The following ADAM17 variants were observed in gnomAD, a reference collection of about 807,000 sequenced individuals.
ADAM17 encodes disintegrin and metalloproteinase domain-containing protein 17.
ADAM17 carries 39 observed loss-of-function variants against 96.7 expected under a neutral mutation model. The observed-to-expected ratio is 0.40, with a 90% CI of 0.31 to 0.53. The LOEUF is 0.53. Ranked by LOEUF, ADAM17 falls within the 20% of genes least tolerant of loss-of-function variation. The probability of loss-of-function intolerance (pLI) is 0.44; values close to 1 mark genes in which losing one functional copy is unlikely to be tolerated. For synonymous variants in ADAM17, 344 were observed against 359.2 expected (o/e 0.96, Z 0.48); for missense variants, 777 against 1,013.2 (o/e 0.77, Z 3.17).
At chr2:9,532,131 G>A (rs1046027032) in intron 4 of ADAM17, among the ~76,000 whole-genome samples, 6 of 152,138 alleles carry the variant, frequency 3.9e-5, no homozygotes, top group African/African-American at 1.4e-4. Context: ...TAATGATGAT[G>A]TGTTAAAAAT....
At chr2:9,502,376 G>A (rs1663056740) in intron 12 of ADAM17, 100 bp from the exon 13 acceptor site, 2 of 1,029,816 alleles carry the variant, frequency 1.9e-6, no homozygotes, top group South Asian at 1.4e-5. Flanking sequence ...GATCACCGGG[G>A]AAGACCTCCT....
At chr2:9,548,874 C>T (rs1665496406) in intron 1 of ADAM17, among the ~76,000 whole-genome samples, 1 of 152,128 alleles carries the variant, frequency 6.6e-6, no homozygotes, top group Non-Finnish European at 1.5e-5. Context: ...ACAAAATGGC[C>T]TTCTGGTTGT....
Position 9,489,259 on chromosome 2 carries a change from A to ATTTTTTTTTTTTTTT in ADAM17, c.*903_*917dup, listed in dbSNP as rs34525911. 3.7e-3 allele frequency: 321 copies of ATTTTTTTTTTTTTTT among 87,386 alleles called. 40 individuals carry two copies. Among genetic ancestry groups the ATTTTTTTTTTTTTTT allele is most frequent in the African/African-American group, 0.019 (297 of 15,522 alleles). 5.4% of individuals were successfully genotyped at this position (87,386 alleles called of 1,614,324 possible). On this transcript the variant is annotated 3_prime_UTR_variant, in exon 19 of 19. Transcript: ENST00000310823. Reference sequence around the variant, plus strand: ...AATATTCTAGGTTTGTAGATAGTGAATTTTTTTTTTTTTTTTTTTTTTTTG... The same window carrying ATTTTTTTTTTTTTTT: ...AATATTCTAGGTTTGTAGATAGTGAATTTTTTTTTTTTTTTTTTTTTTTTTTTTTTTTTTTTTTTG...
At chr2:9,518,906 G>T (rs1664190998) in intron 8 of ADAM17, among the ~76,000 whole-genome samples, 1 of 142,764 alleles carries the variant, frequency 7.0e-6, no homozygotes, top group South Asian at 2.2e-4. Context: ...TGGGGGGGGG[G>T]TTTGATTTAT....
intron 2 of ADAM17, among the ~76,000 whole-genome samples, chr2:9,541,059 G>C (rs1268901733): frequency 6.6e-6 from 1 of 151,880 alleles, no homozygotes; most frequent in Non-Finnish European, 1.5e-5. Flanking sequence ...ACCTCATCAA[G>C]GTACACATTT....
rs1664590884 is a variant in ADAM17, at chr2:9,527,891, T to C, written c.514A>G (p.Ile172Val). 2 of 1,596,698 alleles carry C rather than the reference T, an allele frequency of 1.3e-6. No individual in the cohort carries two copies. Among genetic ancestry groups the C allele is most frequent in the South Asian group, 1.1e-5 (1 of 88,166 alleles). Reference protein sequence around the residue: ...KRMLVYKSEDIKNVSRLQSPK... With the variant: ...KRMLVYKSEDVKNVSRLQSPK... The stretch of plus-strand genomic sequence containing the variant: ...GACTGCAAACGTGAAACATTCTTGA[T>C]ATCTTCAGATTTATAAACTAACATT... The change falls in exon 5 of 19, where the codon ATC becomes GTC. Residue 172 changes from isoleucine (I) to valine (V), a missense_variant. Ile to Val is a conservative substitution (Grantham distance 29). Around this residue, in one of 3 missense-constraint regions of ADAM17, gnomAD observed 446 missense variants for 664.7 expected, o/e 0.67. Coordinates refer to ENST00000310823, the MANE Select transcript of ADAM17 (RefSeq NM_003183.6).
intron 1 of ADAM17, 95 bp downstream of exon 1, chr2:9,555,414 C>T (rs1225144930): frequency 9.1e-7 from 1 of 1,096,304 alleles, no homozygotes; most frequent in African/African-American, 1.6e-5. Flanking sequence ...TCGCCAATAC[C>T]CCGCCCCCAA....
In ADAM17 at chr2:9,488,541, A is replaced by C; in HGVS notation, c.*1636T>G. The C allele has an allele frequency of 2.6e-6, 1 of 387,272 alleles. No individual in the cohort carries two copies. Among genetic ancestry groups the C allele is most frequent in the Non-Finnish European group, 4.6e-6 (1 of 219,636 alleles). 24.0% of individuals were successfully genotyped at this position (387,272 alleles called of 1,614,324 possible). On this transcript the variant is annotated 3_prime_UTR_variant, in exon 19 of 19. Coordinates refer to ENST00000310823, the MANE Select transcript of ADAM17 (RefSeq NM_003183.6). The stretch of plus-strand genomic sequence containing the variant: ...TATCAGTGCTACAGCTATAAAATAT[A>C]CCCTGAGCAGCTTGTTAATTCTATA...
At chr2:9,499,110 CTTCTTTTTT>C (rs1558498418) in intron 13 of ADAM17, among the ~76,000 whole-genome samples, 4 of 138,662 alleles carry the variant, frequency 2.9e-5, no homozygotes, top group Non-Finnish European at 4.5e-5. Context: ...TTTCTTTCTT[CTTCTTTTTT>C]TTTTTTTTTT....
intron 13 of ADAM17, among the ~76,000 whole-genome samples, chr2:9,498,469 T>G (rs1195599776): frequency 6.6e-6 from 1 of 152,220 alleles, no homozygotes; most frequent in Non-Finnish European, 1.5e-5. Flanking sequence ...AAACACTTTA[T>G]GAAAGCAATG....
intron 1 of ADAM17, among the ~76,000 whole-genome samples, chr2:9,553,482 T>C (rs1488997394): frequency 6.6e-6 from 1 of 151,512 alleles, no homozygotes; most frequent in Non-Finnish European, 1.5e-5. Context: ...GAGACCAGCC[T>C]GAATAACATG....
chr2:9,532,988 A>T (rs1664810369), intron 4 of ADAM17, among the ~76,000 whole-genome samples: 1 of 152,054 alleles, frequency 6.6e-6, no homozygotes, highest in African/African-American at 2.4e-5. Context: ...CAGGAGTTCA[A>T]GACCAGCCTG....
intron 2 of ADAM17, among the ~76,000 whole-genome samples, chr2:9,537,899 G>GGGGAA (rs1461179044): frequency 1.6e-5 from 1 of 62,688 alleles, no homozygotes; most frequent in Non-Finnish European, 3.5e-5. Flanking sequence ...GGGGAGGGGA[G>GGGGAA]GGGAGGAGAG....
chr2:9,505,887 G>A (rs1334039516), intron 11 of ADAM17, among the ~76,000 whole-genome samples: 1 of 152,198 alleles, frequency 6.6e-6, no homozygotes, highest in Non-Finnish European at 1.5e-5. Flanking sequence ...TTTGAGCTTA[G>A]TAATAGGCAT....
In ADAM17 at chr2:9,518,007, C is replaced by CA. The variant is rs1298688011; in HGVS notation, c.1103-19dup. The CA allele has an allele frequency of 1.3e-6, 2 of 1,584,596 alleles. No homozygotes were observed. Among genetic ancestry groups the CA allele is most frequent in the African/African-American group, 1.4e-5 (1 of 73,280 alleles). ...ATAATAAGCTAAAGTCAAAAGGAAA[C>CA]AGAGATAAATTGCTTATTAAATACA... On this transcript the variant is annotated intron_variant, in intron 9 of 18. Transcript: ENST00000310823.
chr2:9,514,988 G>A (rs191796464), intron 10 of ADAM17, among the ~76,000 whole-genome samples: 45 of 152,296 alleles, frequency 3.0e-4, no homozygotes, highest in African/African-American at 9.1e-4. Context: ...ATCCTCCCGC[G>A]TAGCTGGGAC....
intron 4 of ADAM17, among the ~76,000 whole-genome samples, chr2:9,535,286 GGA>G (rs1664912926): frequency 6.6e-6 from 1 of 152,084 alleles, no homozygotes; most frequent in South Asian, 2.1e-4. Flanking sequence ...ACAATTATGA[GGA>G]AACGTTTTGT....
chr2:9,497,351 G>A (rs1662692980), intron 13 of ADAM17, 103 bp from the exon 14 acceptor site: 2 of 1,466,592 alleles, frequency 1.4e-6, no homozygotes, highest in South Asian at 1.3e-5. Context: ...ATCTTACCTT[G>A]CAAAAGCAAA....
intron 4 of ADAM17, 146 bp from the exon 5 acceptor site, chr2:9,528,100 C>T (rs1664598723): frequency 3.9e-6 from 2 of 515,118 alleles, no homozygotes; most frequent in Non-Finnish European, 6.2e-6. Flanking sequence ...AATAAATAAT[C>T]TCAATTTTTA....
Sources: allele counts gnomAD v4.1 joint callset (sites outside exome capture counted in the v4.1 genomes callset), GRCh38; gene constraint gnomAD v4.1.1; regional missense constraint gnomAD v4.1.1; transcripts MANE v1.5; gene names NCBI Gene and HGNC (gene_info 2026-07-23, HGNC 2026-07-21).